AGBL3: variants seen among roughly 807,000 people sequenced by gnomAD.
The protein encoded by AGBL3 is cytosolic carboxypeptidase 3.
AGBL3 carries 68 observed loss-of-function variants against 94.5 expected under a neutral mutation model. That is an observed-to-expected ratio of 0.72 (90% CI 0.59 to 0.88). The LOEUF (loss-of-function observed/expected upper bound fraction) is 0.88, where lower values mean the gene tolerates loss of function less well. Among genes scored for constraint, AGBL3 ranks in the 40% least tolerant of loss-of-function variants. The pLI is 0.00. For synonymous variants in AGBL3, 354 were observed against 370.7 expected (o/e 0.95, Z 0.52); for missense variants, 934 against 1,103.8 (o/e 0.85, Z 2.18).
chr7:135,068,012 T>C (rs1376490508), intron 12 of AGBL3, among the ~76,000 whole-genome samples: 2 of 152,096 alleles, frequency 1.3e-5, no homozygotes, highest in African/African-American at 2.4e-5. Context: ...AATGGCTAAC[T>C]AGAATAACCA....
chr7:135,066,069 A>G (rs1819269096), intron 12 of AGBL3, among the ~76,000 whole-genome samples: 1 of 152,196 alleles, frequency 6.6e-6, no homozygotes. Context: ...GATCTTGACA[A>G]TAATTTCACG....
chr7:135,058,244 C>T (rs868372741), intron 11 of AGBL3, among the ~76,000 whole-genome samples: 2 of 152,000 alleles, frequency 1.3e-5, no homozygotes, highest in Non-Finnish European at 2.9e-5. Context: ...TTCTGTAAAC[C>T]TAGAACTTTT....
chr7:135,131,816 A>T (rs1435161925), intron 16 of AGBL3, among the ~76,000 whole-genome samples: 1 of 152,138 alleles, frequency 6.6e-6, no homozygotes, highest in East Asian at 1.9e-4. Context: ...TGACAAATAA[A>T]GAAAAAAAGA....
At chr7:135,014,637 T>C (rs964699267) in intron 4 of AGBL3, among the ~76,000 whole-genome samples, 1 of 152,204 alleles carries the variant, frequency 6.6e-6, no homozygotes, top group East Asian at 1.9e-4. Context: ...TTTTTTTTTC[T>C]TTTTCCTTGG....
chr7:135,030,463 C>T (rs1056616201), intron 5 of AGBL3, among the ~76,000 whole-genome samples: 4 of 152,138 alleles, frequency 2.6e-5, no homozygotes, highest in Admixed American at 2.0e-4. Context: ...ATAAGTCAAA[C>T]CATCATAAGT....
At chr7:135,095,661 CTG>C (rs1822557942) in intron 15 of AGBL3, among the ~76,000 whole-genome samples, 1 of 152,206 alleles carries the variant, frequency 6.6e-6, no homozygotes, top group South Asian at 2.1e-4. Flanking sequence ...GGAAGCAACA[CTG>C]TTTTTTGTGC....
chr7:135,079,859 T>C (rs1182339694), intron 13 of AGBL3, among the ~76,000 whole-genome samples: 1 of 152,098 alleles, frequency 6.6e-6, no homozygotes, highest in Non-Finnish European at 1.5e-5. Flanking sequence ...TATCTTCCCA[T>C]GTTTGTTGTT....
intron 3 of AGBL3, among the ~76,000 whole-genome samples, chr7:134,990,008 G>A (rs1810025990): frequency 6.6e-6 from 1 of 151,964 alleles, no homozygotes; most frequent in African/African-American, 2.4e-5. Context: ...ACCCTTTTCT[G>A]TTTTTTAAAT....
At chr7:135,039,626 T>C (rs888155414) in intron 8 of AGBL3, among the ~76,000 whole-genome samples, 1 of 151,894 alleles carries the variant, frequency 6.6e-6, no homozygotes, top group Non-Finnish European at 1.5e-5. Flanking sequence ...TCCCAGCTAT[T>C]TGGGAGGCTG....
chr7:135,006,602 C>T (rs1812418192), intron 4 of AGBL3, among the ~76,000 whole-genome samples: 1 of 151,844 alleles, frequency 6.6e-6, no homozygotes, highest in South Asian at 2.1e-4. Flanking sequence ...CCTATTCTGC[C>T]TTATGGAAAA....
chr7:134,996,659 T>G (rs1193584363), intron 4 of AGBL3, among the ~76,000 whole-genome samples: 3 of 152,230 alleles, frequency 2.0e-5, no homozygotes, highest in Admixed American at 2.0e-4. Flanking sequence ...TTTCTTTAAC[T>G]GGTACCTTAT....
intron 11 of AGBL3, among the ~76,000 whole-genome samples, chr7:135,058,336 C>G (rs1818515403): frequency 6.6e-6 from 1 of 151,988 alleles, no homozygotes; most frequent in Non-Finnish European, 1.5e-5. Context: ...TATTGGCTCT[C>G]AAGCAAAAAA....
chr7:135,052,356 T>C (rs910602364), intron 11 of AGBL3, among the ~76,000 whole-genome samples: 13 of 152,220 alleles, frequency 8.5e-5, no homozygotes, highest in African/African-American at 2.9e-4. Context: ...AGGGTGGATA[T>C]ATCATAATTT....
At chr7:135,126,767 G>C (rs1399427382) in intron 16 of AGBL3, among the ~76,000 whole-genome samples, 2 of 152,196 alleles carry the variant, frequency 1.3e-5, no homozygotes, top group Non-Finnish European at 2.9e-5. Flanking sequence ...AAGCAATGGG[G>C]AAAGGATTCC....
At chr7:135,035,957 G>A (rs1816264261) in intron 7 of AGBL3, among the ~76,000 whole-genome samples, 1 of 151,932 alleles carries the variant, frequency 6.6e-6, no homozygotes, top group Non-Finnish European at 1.5e-5. Flanking sequence ...AATTTATTAG[G>A]CAGCAAATGA....
intron 15 of AGBL3, among the ~76,000 whole-genome samples, chr7:135,090,536 AG>A: frequency 6.6e-6 from 1 of 152,238 alleles, no homozygotes; most frequent in South Asian, 2.1e-4. Flanking sequence ...GCTACAGCTC[AG>A]GGCTGGGGGC....
intron 11 of AGBL3, among the ~76,000 whole-genome samples, chr7:135,046,783 T>A (rs1380777706): frequency 3.3e-5 from 5 of 152,086 alleles, no homozygotes; most frequent in Non-Finnish European, 7.4e-5. Flanking sequence ...GCTACATATA[T>A]CCATGTGCAG....
chr7:135,045,737 C>T (rs1049117981), intron 10 of AGBL3, 62 bp from the exon 11 acceptor site: 2 of 1,381,528 alleles, frequency 1.4e-6, no homozygotes. Context: ...TATAAATACT[C>T]AAATAGTTTA....
chr7:135,004,669 A>G lies in AGBL3; in HGVS notation c.310+10991A>G, dbSNP rs546834827. 6.6e-5 allele frequency among the ~76,000 whole-genome samples: 10 copies of G among 151,700 alleles called. No individual in the cohort carries two copies. In the East Asian group the frequency reaches 1.9e-3, roughly 29 times the overall value. ...AAAAATGCTTTTCATGCAGGATTTT[A>G]AAATTCATTTAATAAATTTAAGCAA... On this transcript the variant is annotated intron_variant, in intron 4 of 16. Coordinates refer to ENST00000436302, the MANE Select transcript of AGBL3 (RefSeq NM_178563.4).
Sources: allele counts gnomAD v4.1 joint callset (sites outside exome capture counted in the v4.1 genomes callset), GRCh38; gene constraint gnomAD v4.1.1; transcripts MANE v1.5; gene names NCBI Gene and HGNC (gene_info 2026-07-23, HGNC 2026-07-21).